CD109: variants seen among roughly 807,000 people sequenced by gnomAD.
CD109 encodes the protein CD109 antigen.
CD109 carries 149 observed loss-of-function variants against 165.8 expected under a neutral mutation model. That is an observed-to-expected ratio of 0.90 (90% CI 0.79 to 1.03). The LOEUF is 1.03. Among genes scored for constraint, CD109 ranks in the 50% least tolerant of loss-of-function variants. The pLI is 0.00. For missense variants in CD109, 1,712 were observed against 1,677.8 expected (o/e 1.02, Z -0.36); for synonymous variants, 585 against 592.1 (o/e 0.99, Z 0.18).
intron 5 of CD109, among the ~76,000 whole-genome samples, chr6:73,751,904 C>A (rs77653559): frequency 5.3e-5 from 8 of 152,288 alleles, no homozygotes; most frequent in African/African-American, 1.7e-4. Flanking sequence ...TTGGAAACCT[C>A]CTTTACAGGT....
intron 15 of CD109, among the ~76,000 whole-genome samples, chr6:73,773,917 T>A (rs1774140409): frequency 6.6e-6 from 1 of 152,172 alleles, no homozygotes; most frequent in South Asian, 2.1e-4. Context: ...TAGTTTTTTG[T>A]TTTATGTTTT....
At chr6:73,808,836 G>C (rs1775661857) in intron 26 of CD109, among the ~76,000 whole-genome samples, 1 of 147,172 alleles carries the variant, frequency 6.8e-6, no homozygotes, top group Non-Finnish European at 1.5e-5. Context: ...GTGTGTGTGT[G>C]TGTGTGTGTA....
intron 5 of CD109, among the ~76,000 whole-genome samples, chr6:73,740,628 T>C (rs1464847298): frequency 6.7e-6 from 1 of 149,562 alleles, no homozygotes; most frequent in Admixed American, 6.7e-5. Context: ...CGAGACAGAG[T>C]CTCGCTCTTT....
intron 23 of CD109, among the ~76,000 whole-genome samples, chr6:73,797,386 C>T (rs1775200248): frequency 6.6e-6 from 1 of 152,122 alleles, no homozygotes; most frequent in Non-Finnish European, 1.5e-5. Context: ...CAAACCAAGT[C>T]TAATTGAAAA....
intron 3 of CD109, among the ~76,000 whole-genome samples, 187 bp downstream of exon 3, chr6:73,723,466 C>T (rs1772032858): frequency 6.6e-6 from 1 of 152,148 alleles, no homozygotes; most frequent in Non-Finnish European, 1.5e-5. Context: ...TTATGAGGCT[C>T]TTCAAACTCT....
chr6:73,705,036 G>A lies in CD109; in HGVS notation c.247+7464G>A, dbSNP rs539277409. On this transcript the variant is annotated intron_variant, in intron 2 of 32. Transcript: ENST00000287097. ...AACAGTTACTTCACGTACTAGAGACGGGAAGGGTGTGCCGGAGGAAAGAGC... is the reference window on the plus strand; with the variant it reads ...AACAGTTACTTCACGTACTAGAGACAGGAAGGGTGTGCCGGAGGAAAGAGC... 8.5e-5 allele frequency among the ~76,000 whole-genome samples: 13 copies of A among 152,256 alleles called. No homozygotes were observed. In the South Asian group the frequency reaches 2.1e-3, roughly 24 times the overall value.
At chr6:73,746,874 C>T (rs772460375) in intron 5 of CD109, among the ~76,000 whole-genome samples, 14 of 152,106 alleles carry the variant, frequency 9.2e-5, no homozygotes, top group Non-Finnish European at 1.5e-4. Flanking sequence ...ATTTGTAATC[C>T]TTTCTAATGA....
chr6:73,766,855 A>G lies in CD109; in HGVS notation c.1429A>G (p.Ile477Val). 2 of 1,610,460 alleles carry G rather than the reference A, an allele frequency of 1.2e-6. No individual in the cohort carries two copies. The highest frequency in any genetic ancestry group is 1.7e-6 in the Non-Finnish European group (2 of 1,176,884). The change falls in exon 12 of 33, where the codon ATA (isoleucine) becomes GTA (valine). Residue 477 changes from isoleucine (I) to valine (V), a missense_variant. Coordinates refer to ENST00000287097, the MANE Select transcript of CD109 (RefSeq NM_133493.5). ...YIQLKTRDEN[I>V]KVGSPFELVV... is the part of the protein sequence containing the mutation. Reference sequence around the variant, plus strand: ...CCAACTAAAAACAAGAGATGAAAATATAAAGGTAATGCTTACAATTCACTT... The same window carrying G: ...CCAACTAAAAACAAGAGATGAAAATGTAAAGGTAATGCTTACAATTCACTT...
intron 10 of CD109, 89 bp downstream of exon 10, chr6:73,763,774 A>G (rs572113475): frequency 3.2e-5 from 20 of 616,164 alleles, no homozygotes; most frequent in South Asian, 4.4e-5. Context: ...GCTTTTCTAA[A>G]AATTTAAGCC....
At chr6:73,813,771 C>A (rs1296749158) in intron 29 of CD109, among the ~76,000 whole-genome samples, 1 of 152,020 alleles carries the variant, frequency 6.6e-6, no homozygotes, top group Non-Finnish European at 1.5e-5. Context: ...CAAATGTAAA[C>A]CCTAATACTT....
chr6:73,681,492 G>A, the CD109 span, among the ~76,000 whole-genome samples: 7 of 152,132 alleles, frequency 4.6e-5, no homozygotes, highest in East Asian at 1.4e-3. Flanking sequence ...AGGAAAAAGT[G>A]TTCCGTGTGA....
chr6:73,725,145 A>C (rs1425277969), intron 3 of CD109, among the ~76,000 whole-genome samples: 1 of 152,244 alleles, frequency 6.6e-6, no homozygotes, highest in Non-Finnish European at 1.5e-5. Flanking sequence ...AAAACCCTGC[A>C]ATCTTTGTGG....
At position 73,785,348 on chromosome 6, in the gene CD109, G is replaced by A. The variant is rs779123190; in HGVS notation, c.2224-16G>A. 1.7e-5 allele frequency: 23 copies of A among 1,375,576 alleles called. No individual in the cohort carries two copies. Among genetic ancestry groups the A allele is most frequent in the Middle Eastern group, 1.8e-4 (1 of 5,612 alleles). The allele number at this position is 1,375,576 out of a possible 1,614,324, so 85.2% of individuals were successfully genotyped here. A position where few individuals can be genotyped will look rare whatever the true frequency, so the allele number is the denominator to read the frequency against. On this transcript the variant is annotated splice_polypyrimidine_tract_variant and intron_variant, in intron 19 of 32. Transcript: ENST00000287097. ...TTGACCTGAATAAAAATATGTACTC[G>A]TTGTGTTCTTTCCAGCTCCAAGCCT...
intron 23 of CD109, among the ~76,000 whole-genome samples, chr6:73,800,375 A>G (rs1440778922): frequency 6.6e-6 from 1 of 152,048 alleles, no homozygotes; most frequent in Non-Finnish European, 1.5e-5. Context: ...GATTGTTTCC[A>G]TTATGTTACA....
chr6:73,726,362 A>G (rs918836609), intron 3 of CD109, among the ~76,000 whole-genome samples: 2 of 152,212 alleles, frequency 1.3e-5, no homozygotes, highest in African/African-American at 4.8e-5. Flanking sequence ...ATGGCAGAAA[A>G]ACTTCTTTTG....
intron 14 of CD109, among the ~76,000 whole-genome samples, chr6:73,769,336 T>C (rs1025926974): frequency 2.0e-5 from 3 of 152,218 alleles, no homozygotes; most frequent in African/African-American, 4.8e-5. Context: ...TGACTTCTAG[T>C]GATCCTAGTA....
intron 30 of CD109, among the ~76,000 whole-genome samples, chr6:73,817,421 C>A (rs1000890829): frequency 3.3e-5 from 5 of 152,120 alleles, no homozygotes; most frequent in African/African-American, 1.2e-4. Flanking sequence ...GCATTGCCAG[C>A]AGATGGTTTC....
At chr6:73,767,650 T>C (rs1432548866) in intron 13 of CD109, among the ~76,000 whole-genome samples, 1 of 152,210 alleles carries the variant, frequency 6.6e-6, no homozygotes, top group Non-Finnish European at 1.5e-5. Flanking sequence ...AAACCTTGTT[T>C]TATGTTTAAA....
intron 15 of CD109, among the ~76,000 whole-genome samples, chr6:73,778,543 T>G (rs1305216446): frequency 2.6e-5 from 4 of 152,188 alleles, no homozygotes; most frequent in African/African-American, 9.7e-5. Context: ...CGGAAGCAAA[T>G]CTTCATGTAT....
Sources: allele counts gnomAD v4.1 joint callset (sites outside exome capture counted in the v4.1 genomes callset), GRCh38; gene constraint gnomAD v4.1.1; transcripts MANE v1.5; gene names NCBI Gene and HGNC (gene_info 2026-07-23, HGNC 2026-07-21).